Variants in DNAAF11 observed in about 807,000 individuals in gnomAD.
The protein encoded by DNAAF11 is dynein axonemal assembly factor 11.
DNAAF11 carries 45 observed loss-of-function variants against 60.8 expected under a neutral mutation model. That is an observed-to-expected ratio of 0.74 (90% CI 0.58 to 0.95). The LOEUF (loss-of-function observed/expected upper bound fraction) is 0.95, where lower values mean the gene tolerates loss of function less well. Ranked by LOEUF, DNAAF11 falls within the 40% of genes least tolerant of loss-of-function variation. The pLI is 0.00. For missense variants in DNAAF11, 546 were observed against 546.2 expected (o/e 1.00, Z 0.00); for synonymous variants, 191 against 183.5 (o/e 1.04, Z -0.33).
chr8:132,576,967 G>A (rs1814815977), intron 11 of DNAAF11, among the ~76,000 whole-genome samples: 3 of 152,080 alleles, frequency 2.0e-5, no homozygotes, highest in South Asian at 4.1e-4. Flanking sequence ...TTTATTATGT[G>A]GTGATTTTAA....
At position 132,594,747 on chromosome 8, in the gene DNAAF11, C is replaced by T. The variant is rs945632341; in HGVS notation, c.1141-10968G>A. Among the ~76,000 whole-genome samples, 6 of 152,280 alleles carry T rather than the reference C, an allele frequency of 3.9e-5. No homozygotes were observed. The South Asian group carries it at 8.3e-4, about 21-fold the overall frequency. On this transcript the variant is annotated intron_variant, in intron 10 of 11. Transcript: ENST00000620350. ...GTCATGTAAGATGTGCCTGCTTCCCCGTCCACCATGAGTGTAAGTTTCCTG... is the reference window on the plus strand; with the variant it reads ...GTCATGTAAGATGTGCCTGCTTCCCTGTCCACCATGAGTGTAAGTTTCCTG...
chr8:132,595,581 T>C (rs1040119244), intron 10 of DNAAF11, among the ~76,000 whole-genome samples: 20 of 151,652 alleles, frequency 1.3e-4, no homozygotes, highest in Non-Finnish European at 1.8e-4. Flanking sequence ...TTTACTTCTT[T>C]AAAAAAAATA....
the DNAAF11 span, among the ~76,000 whole-genome samples, chr8:132,699,889 C>T: frequency 6.6e-6 from 1 of 152,092 alleles, no homozygotes; most frequent in Non-Finnish European, 1.5e-5. Flanking sequence ...ATGAAATAGA[C>T]AAAATAAATC....
chr8:132,616,459 G>A (rs1359671358), intron 7 of DNAAF11, among the ~76,000 whole-genome samples: 3 of 152,102 alleles, frequency 2.0e-5, no homozygotes, highest in African/African-American at 7.2e-5. Flanking sequence ...AGTGAGATGT[G>A]GCTGGATTCT....
At chr8:132,679,859 G>A (rs1825840163), upstream of DNAAF11, among the ~76,000 whole-genome samples, 1 of 152,184 alleles carries the variant, frequency 6.6e-6, no homozygotes, top group African/African-American at 2.4e-5. Flanking sequence ...ACGTGGAGCT[G>A]TAAGTCCAGT....
At position 132,611,350 on chromosome 8, in the gene DNAAF11, A is replaced by T. The variant is rs199759512; in HGVS notation, c.988T>A (p.Ser330Thr). 143 of 1,604,278 alleles carry T rather than the reference A, an allele frequency of 8.9e-5. No homozygotes were observed. The highest frequency in any genetic ancestry group is 1.2e-4 in the Non-Finnish European group (141 of 1,171,770). ...DLAVYRYMDT[S>T]LIDVDVQPTY... Reference sequence around the variant, plus strand: ...GGTTGCACATCAACATCGATTAAAGAGGTATCCATATACCTTCAAAATTAA... The same window carrying T: ...GGTTGCACATCAACATCGATTAAAGTGGTATCCATATACCTTCAAAATTAA... Residue 330 changes from serine (S) to threonine (T), a missense_variant, in exon 9 of 12, where the codon TCT (serine) becomes ACT (threonine). Ser to Thr is a moderately conservative substitution (Grantham distance 58). Coordinates refer to ENST00000620350, the MANE Select transcript of DNAAF11 (RefSeq NM_012472.6).
intron 3 of DNAAF11, among the ~76,000 whole-genome samples, chr8:132,653,439 C>A (rs1297031823): frequency 1.3e-5 from 2 of 151,948 alleles, no homozygotes; most frequent in Non-Finnish European, 1.5e-5. Context: ...AACTCAAATG[C>A]ATTTGATAAA....
At chr8:132,689,284 C>T in the DNAAF11 span, among the ~76,000 whole-genome samples, 2 of 152,132 alleles carry the variant, frequency 1.3e-5, no homozygotes, top group South Asian at 2.1e-4. Context: ...GAAGTACTTA[C>T]GAATGTCAGC....
At chr8:132,614,894 G>C (rs190862296) in intron 8 of DNAAF11, 144 bp downstream of exon 8, 1 of 495,236 alleles carries the variant, frequency 2.0e-6, no homozygotes, top group East Asian at 3.1e-5. Context: ...AAAAATTATA[G>C]TAACTTCTCT....
chr8:132,606,788 G>A (rs1214232419), intron 10 of DNAAF11, among the ~76,000 whole-genome samples: 3 of 152,182 alleles, frequency 2.0e-5, no homozygotes, highest in Admixed American at 2.0e-4. Flanking sequence ...ACAGGCATGA[G>A]CCATTGCATC....
At chr8:132,614,761 G>A (rs1359601024) in intron 8 of DNAAF11, among the ~76,000 whole-genome samples, 1 of 152,190 alleles carries the variant, frequency 6.6e-6, no homozygotes, top group African/African-American at 2.4e-5. Context: ...TGGGGTCCTT[G>A]TAGTATCAGC....
intron 4 of DNAAF11, among the ~76,000 whole-genome samples, chr8:132,637,718 T>C (rs948498314): frequency 6.6e-6 from 1 of 152,190 alleles, no homozygotes; most frequent in African/African-American, 2.4e-5. Context: ...GTGTTTTGGA[T>C]GAGAAAGGTG....
intron 7 of DNAAF11, 29 bp downstream of exon 7, chr8:132,622,582 T>C (rs774087049): frequency 6.4e-6 from 10 of 1,564,884 alleles, no homozygotes; most frequent in Non-Finnish European, 8.8e-6. Flanking sequence ...CACTTTTGGG[T>C]CTTTAACGCT....
At position 132,637,961 on chromosome 8, in the gene DNAAF11, C is replaced by A. The variant is rs777566528; in HGVS notation, c.403G>T (p.Val135Leu). 2 of 1,610,694 alleles carry A rather than the reference C, an allele frequency of 1.2e-6. No homozygotes were observed. Among genetic ancestry groups the A allele is most frequent in the African/African-American group, 2.7e-5 (2 of 74,790 alleles). ...TTTAATTGTGGAAGAGTTGCTACCA[C>A]GAACTCCCTATAGTGGTCAAAGGAA... ...CASFDHYREF[V>L]VATLPQLKWL... The change falls in exon 4 of 12, where the codon GTG becomes TTG. Residue 135 changes from valine to leucine, a missense_variant. Val to Leu is a conservative substitution (Grantham distance 32). Transcript: ENST00000620350.
intron 3 of DNAAF11, among the ~76,000 whole-genome samples, chr8:132,650,321 G>T (rs1390369669): frequency 6.7e-6 from 1 of 149,994 alleles, no homozygotes; most frequent in Non-Finnish European, 1.5e-5. Context: ...TGAACAATGA[G>T]AACACATGGA....
intron 10 of DNAAF11, among the ~76,000 whole-genome samples, chr8:132,595,006 C>T (rs1816840340): frequency 6.6e-6 from 1 of 152,076 alleles, no homozygotes; most frequent in Non-Finnish European, 1.5e-5. Context: ...TGTCCTGCTG[C>T]CACGGTCCAC....
At chr8:132,573,051 AG>A (rs1814375721) in intron 11 of DNAAF11, among the ~76,000 whole-genome samples, 1 of 151,716 alleles carries the variant, frequency 6.6e-6, no homozygotes, top group African/African-American at 2.4e-5. Context: ...AAACAGAAGA[AG>A]GGGGCACCTC....
intron 11 of DNAAF11, among the ~76,000 whole-genome samples, chr8:132,583,477 G>A (rs1586474949): frequency 6.6e-6 from 1 of 152,156 alleles, no homozygotes; most frequent in South Asian, 2.1e-4. Context: ...ATATTATGAC[G>A]AGACATTGGG....
At chr8:132,620,801 C>G (rs1341152726) in intron 7 of DNAAF11, among the ~76,000 whole-genome samples, 1 of 152,122 alleles carries the variant, frequency 6.6e-6, no homozygotes, top group Non-Finnish European at 1.5e-5. Flanking sequence ...GAAATGGTGT[C>G]TAGTGAGACA....
Sources: gnomAD v4.1 joint callset for allele counts (sites outside exome capture counted in the v4.1 genomes callset) on GRCh38, gnomAD v4.1.1 for gene constraint, MANE v1.5 for transcripts, NCBI Gene and HGNC (gene_info 2026-07-23, HGNC 2026-07-21) for gene names.